Variants in ATXN7L1 observed in about 807,000 individuals in gnomAD.
ATXN7L1 encodes the protein ataxin-7-like protein 1.
Under a neutral mutation model 70.8 loss-of-function variants are expected in ATXN7L1, and 15 were observed. That is an observed-to-expected ratio of 0.21 (90% CI 0.14 to 0.33). ATXN7L1 has a LOEUF of 0.33. ATXN7L1 is among the 10% of genes least tolerant of loss of function. The probability of loss-of-function intolerance (pLI) is 1.00; values close to 1 mark genes in which losing one functional copy is unlikely to be tolerated. For synonymous variants in ATXN7L1, 440 were observed against 445.1 expected (o/e 0.99, Z 0.14); for missense variants, 975 against 1,097.1 (o/e 0.89, Z 1.57).
chr7:105,791,190 AG>A (rs1211943508), intron 2 of ATXN7L1, among the ~76,000 whole-genome samples: 1 of 152,236 alleles, frequency 6.6e-6, no homozygotes, highest in Non-Finnish European at 1.5e-5. Context: ...CTCACACTGT[AG>A]GGGCCTCCCC....
intron 2 of ATXN7L1, among the ~76,000 whole-genome samples, chr7:105,872,707 G>A (rs543597300): frequency 8.5e-5 from 13 of 152,112 alleles, no homozygotes; most frequent in Non-Finnish European, 1.8e-4. Flanking sequence ...CAGAGTTTCT[G>A]ACTGGGATGA....
rs140951345 is a variant in ATXN7L1, at chr7:105,840,784, G to A, written c.250+35028C>T. On this transcript the variant is annotated intron_variant, in intron 2 of 11. Coordinates refer to ENST00000419735, the MANE Select transcript of ATXN7L1 (RefSeq NM_020725.2). Reference sequence around the variant, plus strand: ...AAATACAAAAAAGAAGTAACTTACCGGCGGTGAGCACACTCTTCCAGGTTT... The same window carrying A: ...AAATACAAAAAAGAAGTAACTTACCAGCGGTGAGCACACTCTTCCAGGTTT... Among the ~76,000 whole-genome samples, 6 of 152,260 alleles carry A rather than the reference G, an allele frequency of 3.9e-5. No individual in the cohort carries two copies. In the East Asian group the frequency reaches 9.6e-4, roughly 24 times the overall value.
At chr7:105,781,428 C>T (rs111754876) in intron 3 of ATXN7L1, among the ~76,000 whole-genome samples, 5 of 152,254 alleles carry the variant, frequency 3.3e-5, no homozygotes, top group African/African-American at 1.2e-4. Context: ...CCAGTATAGG[C>T]ACCTTGCACC....
At chr7:105,696,268 C>T (rs1376582354) in intron 3 of ATXN7L1, among the ~76,000 whole-genome samples, 1 of 152,208 alleles carries the variant, frequency 6.6e-6, no homozygotes, top group Non-Finnish European at 1.5e-5. Flanking sequence ...CTTCCCACTG[C>T]TAGTGAATAC....
At chr7:105,819,583 G>T in intron 2 of ATXN7L1, 1 of 999,160 alleles carries the variant, frequency 1.0e-6, no homozygotes, top group South Asian at 1.3e-5. Flanking sequence ...CTGCTGGGCC[G>T]GAAGGTGGAG....
At chr7:105,641,171 T>TTTTTTTGC (rs925543162) in intron 5 of ATXN7L1, among the ~76,000 whole-genome samples, 1 of 146,688 alleles carries the variant, frequency 6.8e-6, no homozygotes, top group Non-Finnish European at 1.5e-5. Context: ...GCCTCCCCCC[T>TTTTTTTGC]TTTTTTGCTT....
chr7:105,752,231 G>T (rs938270660), intron 3 of ATXN7L1, among the ~76,000 whole-genome samples: 3 of 152,156 alleles, frequency 2.0e-5, no homozygotes, highest in Non-Finnish European at 4.4e-5. Context: ...GACCTCGATG[G>T]TACAAATGTC....
chr7:105,668,513 T>A (rs147612962), intron 3 of ATXN7L1, among the ~76,000 whole-genome samples: 5 of 151,936 alleles, frequency 3.3e-5, no homozygotes, highest in Admixed American at 2.0e-4. Context: ...CCTGGGAGAA[T>A]CAAGGCTGAA....
At chr7:105,727,239 T>C (rs1191677468) in intron 3 of ATXN7L1, among the ~76,000 whole-genome samples, 1 of 152,070 alleles carries the variant, frequency 6.6e-6, no homozygotes, top group African/African-American at 2.4e-5. Context: ...GGGGGGAAAA[T>C]GTAACCAACA....
intron 9 of ATXN7L1, among the ~76,000 whole-genome samples, chr7:105,619,528 ATATTTTTTTTTTTTT>A (rs1388105980): frequency 4.1e-4 from 6 of 14,772 alleles, no homozygotes; most frequent in African/African-American, 9.0e-4. Flanking sequence ...ATATATATAT[ATATTTTTTTTTTTTT>A]TTTTTTTTTT....
At chr7:105,740,850 CG>C (rs1331413754) in intron 3 of ATXN7L1, among the ~76,000 whole-genome samples, 6 of 143,852 alleles carry the variant, frequency 4.2e-5, no homozygotes, top group Non-Finnish European at 8.9e-5. Context: ...CTGGAAGCTC[CG>C]CCTCCCGGGT....
rs562014778 is a variant in ATXN7L1, at chr7:105,681,754, C to T, written c.356-16466G>A. On this transcript the variant is annotated intron_variant, in intron 3 of 11. Coordinates refer to ENST00000419735, the MANE Select transcript of ATXN7L1 (RefSeq NM_020725.2). Reference sequence around the variant, plus strand: ...ACAACCTGGACAAACTTTGGGGACACTATGCTAAGTGAAATAATCCAGTCA... The same window carrying T: ...ACAACCTGGACAAACTTTGGGGACATTATGCTAAGTGAAATAATCCAGTCA... Among the ~76,000 whole-genome samples, 17 of 152,252 alleles carry T rather than the reference C, an allele frequency of 1.1e-4. No individual in the cohort carries two copies. In the South Asian group the frequency reaches 2.7e-3, roughly 24 times the overall value.
At chr7:105,843,876 AC>A (rs753764967) in intron 2 of ATXN7L1, among the ~76,000 whole-genome samples, 5 of 152,206 alleles carry the variant, frequency 3.3e-5, no homozygotes, top group Non-Finnish European at 7.4e-5. Context: ...CTGGTTTAAA[AC>A]CACAATTTGT....
intron 3 of ATXN7L1, among the ~76,000 whole-genome samples, chr7:105,707,370 G>A (rs1793312270): frequency 6.6e-6 from 1 of 152,182 alleles, no homozygotes; most frequent in Non-Finnish European, 1.5e-5. Flanking sequence ...AGTCAAGGCA[G>A]CGAGGAAGAT....
At chr7:105,651,508 G>C (rs1420088762) in intron 4 of ATXN7L1, among the ~76,000 whole-genome samples, 1 of 152,200 alleles carries the variant, frequency 6.6e-6, no homozygotes, top group Non-Finnish European at 1.5e-5. Context: ...GGAAGGAGGG[G>C]TGGACAGGGT....
chr7:105,834,804 G>C (rs1010946324), intron 2 of ATXN7L1, among the ~76,000 whole-genome samples: 6 of 152,110 alleles, frequency 3.9e-5, no homozygotes, highest in African/African-American at 1.2e-4. Flanking sequence ...TGCTGAGAAC[G>C]GGGAGAGGTA....
intron 7 of ATXN7L1, among the ~76,000 whole-genome samples, chr7:105,637,031 G>A (rs1329194737): frequency 2.0e-5 from 3 of 152,198 alleles, no homozygotes; most frequent in East Asian, 3.9e-4. Context: ...ACATGACAGT[G>A]AGAAGTCATT....
At chr7:105,867,627 C>T (rs530137173) in intron 2 of ATXN7L1, among the ~76,000 whole-genome samples, 5 of 152,316 alleles carry the variant, frequency 3.3e-5, no homozygotes, top group East Asian at 1.9e-4. Context: ...TGTAGCTCAG[C>T]GCCAGGGGAT....
chr7:105,607,831 G>T lies in ATXN7L1; in HGVS notation c.*21C>A. The T allele has an allele frequency of 6.5e-7, 1 of 1,550,270 alleles. No homozygotes were observed. The highest frequency in any genetic ancestry group is 8.7e-7 in the Non-Finnish European group (1 of 1,145,364). ...GGATTAGGTGGCCTGGAATTGATGT[G>T]GAAGTGGCTTCATAGTCTTGTTATG... On this transcript the variant is annotated 3_prime_UTR_variant, in exon 12 of 12. Coordinates refer to ENST00000419735, the MANE Select transcript of ATXN7L1 (RefSeq NM_020725.2).
Sources: gnomAD v4.1 joint callset for allele counts (sites outside exome capture counted in the v4.1 genomes callset) on GRCh38, gnomAD v4.1.1 for gene constraint, MANE v1.5 for transcripts, NCBI Gene and HGNC (gene_info 2026-07-23, HGNC 2026-07-21) for gene names.